The following ARMH3 variants were observed in gnomAD, a reference collection of about 807,000 sequenced individuals.
ARMH3 encodes armadillo-like helical domain-containing protein 3.
In ARMH3, 60 loss-of-function variants were observed where a neutral mutation model predicts 99.1. The observed-to-expected ratio is 0.61, with a 90% CI of 0.49 to 0.75. The LOEUF is 0.75. Ranked by LOEUF, ARMH3 falls within the 30% of genes least tolerant of loss-of-function variation. The pLI is 0.00. For missense variants in ARMH3, 679 were observed against 843.1 expected (o/e 0.81, Z 2.41); for synonymous variants, 285 against 292.8 (o/e 0.97, Z 0.27).
Position 101,971,214 on chromosome 10 carries a change from A to G in ARMH3, c.1495+3998T>C, listed in dbSNP as rs1845758653. Among the ~76,000 whole-genome samples the G allele has an allele frequency of 2.0e-5, 3 of 152,158 alleles. No homozygotes were observed. The East Asian group carries it at 5.8e-4, about 29-fold the overall frequency. ...AGACATAGTGAACAAAATGGTCTATAGCCTCAAGAAGTGCAAAGGAGATTG... is the reference window on the plus strand; with the variant it reads ...AGACATAGTGAACAAAATGGTCTATGGCCTCAAGAAGTGCAAAGGAGATTG... On this transcript the variant is annotated intron_variant, in intron 20 of 25. Transcript: ENST00000370033.
chr10:101,889,349 G>C, intron 24 of ARMH3, 63 bp downstream of exon 24: 1 of 1,425,950 alleles, frequency 7.0e-7, no homozygotes, highest in African/African-American at 1.4e-5. Context: ...CCTGCCATCA[G>C]AGAGAAGGCA....
intron 24 of ARMH3, among the ~76,000 whole-genome samples, chr10:101,887,892 G>A (rs768182102): frequency 9.2e-5 from 14 of 151,904 alleles, no homozygotes; most frequent in Non-Finnish European, 1.9e-4. Context: ...AGTTGGAGGA[G>A]GCTGAGGACA....
chr10:101,960,627 A>T (rs1845251618), intron 20 of ARMH3, among the ~76,000 whole-genome samples: 1 of 152,088 alleles, frequency 6.6e-6, no homozygotes, highest in Admixed American at 6.6e-5. Flanking sequence ...ACAGTGGCTC[A>T]TGCCTGTAAT....
intron 22 of ARMH3, among the ~76,000 whole-genome samples, chr10:101,948,255 G>C (rs995769740): frequency 1.3e-5 from 2 of 152,158 alleles, no homozygotes; most frequent in Non-Finnish European, 2.9e-5. Flanking sequence ...GCCAGCCACA[G>C]TGGTATGTGC....
chr10:102,046,898 T>A (rs2136278123), intron 1 of ARMH3, among the ~76,000 whole-genome samples: 1 of 152,330 alleles, frequency 6.6e-6, no homozygotes, highest in Admixed American at 6.5e-5. Flanking sequence ...ATGAACAAAC[T>A]GTGAAATGTC....
At chr10:101,913,622 T>G (rs1842960508) in intron 23 of ARMH3, among the ~76,000 whole-genome samples, 2 of 152,286 alleles carry the variant, frequency 1.3e-5, no homozygotes, top group East Asian at 3.9e-4. Context: ...TGCCTCGGCC[T>G]CCCAAAGTGC....
At chr10:101,952,736 G>A (rs569207474) in intron 22 of ARMH3, 10 of 152,082 alleles carry the variant, frequency 6.6e-5, no homozygotes, top group Admixed American at 3.3e-4. Flanking sequence ...TACAATTTAG[G>A]TGTTAAGTAC....
At chr10:102,010,078 T>C in intron 11 of ARMH3, 55 bp from the exon 12 acceptor site, 2 of 1,541,312 alleles carry the variant, frequency 1.3e-6, no homozygotes, top group Non-Finnish European at 9.0e-7. Context: ...GAGAGGAGCT[T>C]TATGCCTAGG....
At chr10:101,932,953 G>A (rs1345969461) in intron 23 of ARMH3, among the ~76,000 whole-genome samples, 1 of 152,214 alleles carries the variant, frequency 6.6e-6, no homozygotes, top group Admixed American at 6.5e-5. Context: ...TTGGGAGACT[G>A]AGGCAGGCGG....
chr10:101,970,458 A>C (rs1845716636), intron 20 of ARMH3, among the ~76,000 whole-genome samples: 1 of 152,194 alleles, frequency 6.6e-6, no homozygotes, highest in African/African-American at 2.4e-5. Context: ...TTGATCCATC[A>C]TTAATGAAAA....
At chr10:101,909,471 T>TTG (rs1190044931) in intron 23 of ARMH3, among the ~76,000 whole-genome samples, 3 of 140,364 alleles carry the variant, frequency 2.1e-5, no homozygotes, top group African/African-American at 8.1e-5. Flanking sequence ...CTCTTTTTTT[T>TTG]TTTTTTTTTT....
intron 1 of ARMH3, among the ~76,000 whole-genome samples, chr10:102,046,068 C>A (rs1337151988): frequency 6.6e-6 from 1 of 152,014 alleles, no homozygotes; most frequent in Non-Finnish European, 1.5e-5. Flanking sequence ...GCACTCCAGC[C>A]TGGGCAACAA....
chr10:101,887,408 TTATTAC>T (rs766878095), intron 24 of ARMH3, among the ~76,000 whole-genome samples: 3 of 151,694 alleles, frequency 2.0e-5, no homozygotes, highest in Non-Finnish European at 4.4e-5. Flanking sequence ...ATAATTATTA[TTATTAC>T]TATTATTTTG....
intron 23 of ARMH3, among the ~76,000 whole-genome samples, chr10:101,938,493 A>C (rs1013083104): frequency 2.6e-5 from 4 of 152,216 alleles, no homozygotes; most frequent in African/African-American, 9.7e-5. Context: ...AATGTGATCA[A>C]GGAAACAGGC....
intron 23 of ARMH3, among the ~76,000 whole-genome samples, chr10:101,935,174 A>ATATATATATATATATATATATAT (rs1843902399): frequency 5.1e-5 from 6 of 117,104 alleles, no homozygotes; most frequent in African/African-American, 1.9e-4. Context: ...AAGGTGGAGC[A>ATATATATATATATATATATATAT]ATATATATAT....
chr10:101,996,284 G>C (rs1306511131), intron 15 of ARMH3, among the ~76,000 whole-genome samples: 1 of 152,162 alleles, frequency 6.6e-6, no homozygotes, highest in African/African-American at 2.4e-5. Context: ...CTAGAGAGAA[G>C]ACCTCTTAAT....
chr10:101,989,086 T>C (rs1199195869), intron 19 of ARMH3, among the ~76,000 whole-genome samples: 2 of 152,170 alleles, frequency 1.3e-5, no homozygotes, highest in African/African-American at 2.4e-5. Context: ...GCAATTCTGA[T>C]GTCACACTCA....
intron 25 of ARMH3, among the ~76,000 whole-genome samples, chr10:101,848,452 C>A (rs1407514385): frequency 6.6e-6 from 1 of 152,148 alleles, no homozygotes; most frequent in Middle Eastern, 3.2e-3. Flanking sequence ...GATTTCCCCA[C>A]AGGAAATAGC....
At chr10:102,006,760 C>T (rs374430593) in intron 13 of ARMH3, 127 bp from the exon 14 acceptor site, 4 of 719,440 alleles carry the variant, frequency 5.6e-6, no homozygotes, top group African/African-American at 5.4e-5. Context: ...CAGCATCTTG[C>T]TATGTTGTCC....
Sources: gnomAD v4.1 joint callset for allele counts (sites outside exome capture counted in the v4.1 genomes callset) on GRCh38, gnomAD v4.1.1 for gene constraint, MANE v1.5 for transcripts, NCBI Gene and HGNC (gene_info 2026-07-23, HGNC 2026-07-21) for gene names.